The following CDH6 variants were observed in gnomAD, a reference collection of about 807,000 sequenced individuals.
The protein encoded by CDH6 is cadherin 6.
Under a neutral mutation model 78.0 loss-of-function variants are expected in CDH6, and 31 were observed. The ratio of observed to expected loss-of-function variants is 0.40; its 90% CI spans 0.30 to 0.54. CDH6 has a LOEUF of 0.54. Ranked by LOEUF, CDH6 falls within the 20% of genes least tolerant of loss-of-function variation. CDH6 has a pLI of 0.56. For synonymous variants in CDH6, 376 were observed against 368.8 expected, an observed-to-expected ratio of 1.02 and a Z score of -0.23; for missense variants, 724 against 975.9, an observed-to-expected ratio of 0.74 and a Z score of 3.44.
chr5:31,302,635 C>G (rs1163266497), intron 6 of CDH6, among the ~76,000 whole-genome samples: 1 of 147,824 alleles, frequency 6.8e-6, no homozygotes, highest in Admixed American at 6.8e-5. Flanking sequence ...ATCGCTTGAG[C>G]CTGGGCAGCA....
rs181391442 is a variant in CDH6, at chr5:31,277,732, C to A, written c.228+10031C>A. ...ACCCTAGCCTACATGTCTTACTCAT[C>A]CTTATATACCCAGTAGTGCCTAGCA... On this transcript the variant is annotated intron_variant, in intron 2 of 11. Transcript: ENST00000265071. 4.6e-5 allele frequency among the ~76,000 whole-genome samples: 7 copies of A among 152,284 alleles called. No individual in the cohort carries two copies. The East Asian group carries it at 1.2e-3, about 25-fold the overall frequency.
chr5:31,301,292 A>C (rs1228238996), intron 5 of CDH6, among the ~76,000 whole-genome samples: 3 of 152,220 alleles, frequency 2.0e-5, no homozygotes, highest in African/African-American at 7.2e-5. Context: ...ATTTGTATGA[A>C]TGGTTAACAA....
intron 1 of CDH6, among the ~76,000 whole-genome samples, chr5:31,210,166 G>C (rs1259296957): frequency 1.3e-5 from 2 of 151,632 alleles, no homozygotes; most frequent in African/African-American, 2.4e-5. Context: ...AAAGAAAAGG[G>C]TGAGAAAGAT....
In CDH6 at chr5:31,324,375, G is replaced by C. The variant is rs1376125643; in HGVS notation, c.*1067G>C. On this transcript the variant is annotated 3_prime_UTR_variant, in exon 12 of 12. Coordinates refer to ENST00000265071, the MANE Select transcript of CDH6 (RefSeq NM_004932.4). ...CTCTAGGAGTTCAGTGGAGAGGTTA[G>C]AGCCAGCCACACTTGAACCTAATAC... The C allele has an allele frequency of 1.4e-5, 3 of 214,920 alleles. No homozygotes were observed. The highest frequency in any genetic ancestry group is 2.8e-5 in the Non-Finnish European group (3 of 106,618). The allele number at this position is 214,920 out of a possible 1,614,324, so 13.3% of individuals were successfully genotyped here.
At chr5:31,217,848 G>T (rs1350065418) in intron 1 of CDH6, among the ~76,000 whole-genome samples, 1 of 151,980 alleles carries the variant, frequency 6.6e-6, no homozygotes, top group African/African-American at 2.4e-5. Flanking sequence ...ATGGCTTCCT[G>T]TTTCGTTTAA....
At chr5:31,322,714 G>A (rs1738502978) in intron 11 of CDH6, 104 bp from the exon 12 acceptor site, 11 of 1,356,772 alleles carry the variant, frequency 8.1e-6, no homozygotes, top group East Asian at 2.3e-5. Flanking sequence ...GCATTTTCTA[G>A]AGAACTTTTA....
At chr5:31,202,856 A>G (rs1028473124) in intron 1 of CDH6, among the ~76,000 whole-genome samples, 1 of 151,584 alleles carries the variant, frequency 6.6e-6, no homozygotes, top group South Asian at 2.1e-4. Context: ...TATGCAAAAT[A>G]TATATATATT....
intron 7 of CDH6, among the ~76,000 whole-genome samples, chr5:31,308,731 G>T (rs1738064677): frequency 6.6e-6 from 1 of 151,988 alleles, no homozygotes; most frequent in African/African-American, 2.4e-5. Context: ...ATTGAAAGCT[G>T]CCTTCAACTA....
At position 31,322,816 on chromosome 5, in the gene CDH6, A is replaced by T; in HGVS notation, c.1883-2A>T. 6.2e-7 allele frequency: 1 copy of T among 1,603,050 alleles called. No individual in the cohort carries two copies. The highest frequency in any genetic ancestry group is 8.5e-7 in the Non-Finnish European group (1 of 1,173,136). On this transcript the variant is annotated splice_acceptor_variant, in intron 11 of 11. Transcript: ENST00000265071. LOFTEE classifies it high-confidence loss of function. ...CCTTTCTGTTTTGTTTTCTGCTTCC[A>T]GTGACAGTGGTGCTGTTTGCAGCTC...
chr5:31,310,520 C>T (rs1361646619), intron 7 of CDH6, among the ~76,000 whole-genome samples: 2 of 152,322 alleles, frequency 1.3e-5, no homozygotes, highest in Admixed American at 1.3e-4. Flanking sequence ...CTAAGCAGTG[C>T]CCCAGTGTGG....
In CDH6 at chr5:31,267,549, A is replaced by G; in HGVS notation, c.76A>G (p.Lys26Glu). The change falls in exon 2 of 12, where the codon AAG becomes GAG. Residue 26 changes from lysine (K) to glutamate (E), a missense_variant. Physicochemically the swap from Lys to Glu is moderately conservative, Grantham distance 56 (BLOSUM62 1). Transcript: ENST00000265071. ...CCCAACTCTCTCAACTCCACTATCA[A>G]AGAGGACTAGTGGTTTCCCAGCAAA... ...PYPTLSTPLS[K>E]RTSGFPAKKR... The G allele has an allele frequency of 6.2e-7, 1 of 1,614,010 alleles. No individual in the cohort carries two copies. Among genetic ancestry groups the G allele is most frequent in the African/African-American group, 1.3e-5 (1 of 74,996 alleles).
chr5:31,326,017 CA>C lies in CDH6; in HGVS notation c.*2710del. On this transcript the variant is annotated 3_prime_UTR_variant, in exon 12 of 12. Transcript: ENST00000265071. ...ATCAGGTCAAACATCATTGCATGCG[CA>C]GGTTTTTTTTTTAATTGCTAGGTCC... The C allele has an allele frequency of 4.3e-6, 1 of 231,836 alleles. No homozygotes were observed. Among genetic ancestry groups the C allele is most frequent in the East Asian group, 6.1e-5 (1 of 16,342 alleles). The allele number at this position is 231,836 out of a possible 1,614,324, so 14.4% of individuals were successfully genotyped here.
chr5:31,195,177 A>G (rs1255103339), intron 1 of CDH6, among the ~76,000 whole-genome samples: 1 of 152,160 alleles, frequency 6.6e-6, no homozygotes, highest in Non-Finnish European at 1.5e-5. Context: ...CGTAAAGCAC[A>G]CAGTGGGAAA....
chr5:31,253,419 T>C (rs1348762975), intron 1 of CDH6, among the ~76,000 whole-genome samples: 2 of 152,210 alleles, frequency 1.3e-5, no homozygotes, highest in Non-Finnish European at 2.9e-5. Flanking sequence ...TCCTCCATGA[T>C]TGTAAGTTTC....
chr5:31,299,881 C>T (rs1462471431), intron 5 of CDH6, among the ~76,000 whole-genome samples: 1 of 152,068 alleles, frequency 6.6e-6, no homozygotes, highest in African/African-American at 2.4e-5. Context: ...TTCATTTCTC[C>T]TTATTAAGAA....
rs912584385 is a variant in CDH6, at chr5:31,245,390, C to T, written c.-128-21956C>T. 2.6e-5 allele frequency among the ~76,000 whole-genome samples: 4 copies of T among 152,134 alleles called. No homozygotes were observed. The South Asian group carries it at 8.3e-4, about 32-fold the overall frequency. Reference sequence around the variant, plus strand: ...TTATTCTTCTTCTCTTTCTTTCTCTCTCTTTCCCTTTCTCTCTCTTTTCCT... The same window carrying T: ...TTATTCTTCTTCTCTTTCTTTCTCTTTCTTTCCCTTTCTCTCTCTTTTCCT... On this transcript the variant is annotated intron_variant, in intron 1 of 11. Transcript: ENST00000265071.
At position 31,325,568 on chromosome 5, in the gene CDH6, C is replaced by T. The variant is rs1247311019; in HGVS notation, c.*2260C>T. On this transcript the variant is annotated 3_prime_UTR_variant, in exon 12 of 12. Coordinates refer to ENST00000265071, the MANE Select transcript of CDH6 (RefSeq NM_004932.4). The stretch of plus-strand genomic sequence containing the variant: ...AACAAATTGAATCAAGGAAGATAGT[C>T]CTGTAAAAAGAAAGGTATCATCTGA... 1.7e-5 allele frequency: 4 copies of T among 230,708 alleles called. No individual in the cohort carries two copies. The highest frequency in any genetic ancestry group is 2.6e-5 in the Non-Finnish European group (3 of 116,592). 14.3% of individuals were successfully genotyped at this position (230,708 alleles called of 1,614,324 possible).
intron 11 of CDH6, among the ~76,000 whole-genome samples, chr5:31,322,140 A>T (rs1738490865): frequency 6.6e-6 from 1 of 152,220 alleles, no homozygotes; most frequent in African/African-American, 2.4e-5. Flanking sequence ...CATTTAGCTC[A>T]AACAGAAATA....
intron 2 of CDH6, among the ~76,000 whole-genome samples, chr5:31,280,110 C>G (rs187923683): frequency 6.6e-6 from 1 of 152,048 alleles, no homozygotes; most frequent in Admixed American, 6.6e-5. Context: ...TTGACTGCCA[C>G]GCAAACCAGC....
Sources: allele counts gnomAD v4.1 joint callset (sites outside exome capture counted in the v4.1 genomes callset), GRCh38; gene constraint gnomAD v4.1.1; transcripts MANE v1.5; gene names NCBI Gene and HGNC (gene_info 2026-07-23, HGNC 2026-07-21).